Variants in SNTG1 observed in about 807,000 individuals in gnomAD.
The protein encoded by SNTG1 is syntrophin gamma 1, also known as gamma-1-syntrophin.
A neutral mutation model predicts 74.7 loss-of-function variants in SNTG1; 39 were observed. The observed-to-expected ratio is 0.52, with a 90% CI of 0.40 to 0.68. The LOEUF is 0.68. SNTG1 is among the 30% of genes least tolerant of loss of function. The pLI, the probability that SNTG1 is intolerant of heterozygous loss-of-function variation, is 0.00. For synonymous variants in SNTG1, 254 were observed against 217.1 expected, an observed-to-expected ratio of 1.17 and a Z score of -1.49; for missense variants, 685 against 609.5, an observed-to-expected ratio of 1.12 and a Z score of -1.30.
chr8:50,058,407 C>T (rs1427523293), intron 1 of SNTG1, among the ~76,000 whole-genome samples: 2 of 152,104 alleles, frequency 1.3e-5, no homozygotes, highest in African/African-American at 4.8e-5. Flanking sequence ...CACACCTTAT[C>T]TAAGTCTCTA....
At chr8:50,373,260 T>C (rs1587365680) in intron 2 of SNTG1, among the ~76,000 whole-genome samples, 1 of 152,232 alleles carries the variant, frequency 6.6e-6, no homozygotes, top group Non-Finnish European at 1.5e-5. Flanking sequence ...CCAGATCCTC[T>C]TATTTAAGGA....
At chr8:50,130,157 A>T (rs2081273625) in intron 1 of SNTG1, among the ~76,000 whole-genome samples, 1 of 152,168 alleles carries the variant, frequency 6.6e-6, no homozygotes, top group Non-Finnish European at 1.5e-5. Flanking sequence ...AAAAAGACAT[A>T]TCTTTAGTTA....
Position 50,580,360 on chromosome 8 carries a change from A to T in SNTG1, c.811-10519A>T, listed in dbSNP as rs182943288. On this transcript the variant is annotated intron_variant, in intron 12 of 18. Transcript: ENST00000642720. The stretch of plus-strand genomic sequence containing the variant: ...GTCTCAGATGAAGCTTTGGACTTGG[A>T]CTTTTGAGTTAATGCTGGAATGAGT... Among the ~76,000 whole-genome samples the T allele has an allele frequency of 4.3e-3, 647 of 152,186 alleles. 9 individuals carry two copies. Among genetic ancestry groups the T allele is most frequent in the African/African-American group, 0.014 (587 of 41,540 alleles).
At chr8:50,031,315 T>G (rs2130756028) in intron 1 of SNTG1, among the ~76,000 whole-genome samples, 1 of 152,186 alleles carries the variant, frequency 6.6e-6, no homozygotes, top group Admixed American at 6.5e-5. Context: ...TCTTTCCAGA[T>G]TTGTATGTCT....
intron 2 of SNTG1, among the ~76,000 whole-genome samples, chr8:50,391,752 G>C (rs1184046323): frequency 6.6e-6 from 1 of 152,086 alleles, no homozygotes; most frequent in African/African-American, 2.4e-5. Flanking sequence ...TTCAGAGCCT[G>C]TTATTGGTCT....
At chr8:50,568,800 A>G (rs995063803) in intron 12 of SNTG1, 1 of 152,106 alleles carries the variant, frequency 6.6e-6, no homozygotes, top group Non-Finnish European at 1.5e-5. Flanking sequence ...CTTTGCTGTG[A>G]GGAAGCCTTT....
At chr8:50,784,234 C>T (rs1340427852) in intron 18 of SNTG1, among the ~76,000 whole-genome samples, 1 of 152,086 alleles carries the variant, frequency 6.6e-6, no homozygotes, top group Non-Finnish European at 1.5e-5. Context: ...TAATTCAGTC[C>T]TACTTAGTGG....
Position 50,494,396 on chromosome 8 carries a change from T to C in SNTG1, c.364-8382T>C, listed in dbSNP as rs144665636. ...ATTTATACTACCACATCTGCCTTTATTTTTAATTTTCATTTAAATTTACTT... is the reference window on the plus strand; with the variant it reads ...ATTTATACTACCACATCTGCCTTTACTTTTAATTTTCATTTAAATTTACTT... On this transcript the variant is annotated intron_variant, in intron 8 of 18. Transcript: ENST00000642720. Among the ~76,000 whole-genome samples, 735 of 152,134 alleles carry C rather than the reference T, an allele frequency of 4.8e-3. 5 individuals carry two copies. Among genetic ancestry groups the C allele is most frequent in the Non-Finnish European group, 7.5e-3 (512 of 67,898 alleles).
chr8:50,686,065 AATT>A (rs1174801891), intron 15 of SNTG1, among the ~76,000 whole-genome samples: 2 of 152,178 alleles, frequency 1.3e-5, no homozygotes, highest in Admixed American at 1.3e-4. Flanking sequence ...TAAATGTTAC[AATT>A]ATTAGTCACA....
chr8:50,133,310 C>A (rs1378540719), intron 1 of SNTG1, among the ~76,000 whole-genome samples: 1 of 152,162 alleles, frequency 6.6e-6, no homozygotes, highest in Non-Finnish European at 1.5e-5. Context: ...AACAGGAGCA[C>A]TGTTAATGTC....
intron 8 of SNTG1, among the ~76,000 whole-genome samples, chr8:50,481,225 A>G (rs948754224): frequency 1.3e-5 from 2 of 152,184 alleles, no homozygotes; most frequent in African/African-American, 4.8e-5. Flanking sequence ...TATTAAAAAT[A>G]CAAAAATTAG....
chr8:50,515,139 T>C (rs1016473712), intron 9 of SNTG1, among the ~76,000 whole-genome samples: 1 of 152,188 alleles, frequency 6.6e-6, no homozygotes, highest in African/African-American at 2.4e-5. Context: ...GTTGACAGCA[T>C]ACATAAGCAT....
intron 17 of SNTG1, among the ~76,000 whole-genome samples, chr8:50,740,661 AT>A (rs35978914): frequency 0.095 from 14,500 of 152,114 alleles, 900 homozygotes; most frequent in Middle Eastern, 0.14. Context: ...AGGAATATAG[AT>A]TGTTCTATCA....
At chr8:50,389,177 T>G (rs2092619694) in intron 2 of SNTG1, among the ~76,000 whole-genome samples, 1 of 152,154 alleles carries the variant, frequency 6.6e-6, no homozygotes, top group Non-Finnish European at 1.5e-5. Flanking sequence ...TAGACATAAG[T>G]AATTTTGATA....
At chr8:50,546,430 G>C (rs548823458) in intron 11 of SNTG1, among the ~76,000 whole-genome samples, 2 of 151,894 alleles carry the variant, frequency 1.3e-5, no homozygotes, top group African/African-American at 4.8e-5. Flanking sequence ...CGTGCACAAC[G>C]TGCAGGTTTG....
At chr8:50,375,074 T>C (rs2092347997) in intron 2 of SNTG1, among the ~76,000 whole-genome samples, 1 of 152,230 alleles carries the variant, frequency 6.6e-6, no homozygotes, top group Non-Finnish European at 1.5e-5. Flanking sequence ...AGGCTAGATT[T>C]GGTCCTTGGT....
intron 1 of SNTG1, among the ~76,000 whole-genome samples, chr8:50,119,393 G>T (rs2080924990): frequency 7.1e-6 from 1 of 140,614 alleles, no homozygotes; most frequent in Non-Finnish European, 1.6e-5. Context: ...GAGTCCTATG[G>T]CTGAGGCTTG....
At chr8:50,536,867 A>G in intron 11 of SNTG1, 59 bp downstream of exon 11, 1 of 1,595,728 alleles carries the variant, frequency 6.3e-7, no homozygotes, top group East Asian at 2.2e-5. Flanking sequence ...ACCTTTTAGA[A>G]AACCTTTTGA....
intron 2 of SNTG1, among the ~76,000 whole-genome samples, chr8:50,384,262 C>A (rs927156201): frequency 1.3e-5 from 2 of 152,128 alleles, no homozygotes; most frequent in Admixed American, 6.6e-5. Context: ...AATGGTAAGA[C>A]CAGCCCAGTG....
Sources: allele counts gnomAD v4.1 joint callset (sites outside exome capture counted in the v4.1 genomes callset), GRCh38; gene constraint gnomAD v4.1.1; transcripts MANE v1.5; gene names NCBI Gene and HGNC (gene_info 2026-07-23, HGNC 2026-07-21).